Variants in SMARCA1 observed in about 807,000 individuals in gnomAD.
The protein encoded by SMARCA1 is SWI/SNF-related matrix-associated actin-dependent regulator of chromatin subfamily A member 1.
A neutral mutation model predicts 93.6 loss-of-function variants in SMARCA1; 17 were observed. That is an observed-to-expected ratio of 0.18 (90% CI 0.12 to 0.27). The LOEUF (loss-of-function observed/expected upper bound fraction) is 0.27. Among genes scored for constraint, SMARCA1 ranks in the 10% least tolerant of loss-of-function variants. The pLI is 1.00. For missense variants in SMARCA1, 630 were observed against 819.0 expected, an observed-to-expected ratio of 0.77 and a Z score of 2.82; for synonymous variants, 271 against 271.4, an observed-to-expected ratio of 1.00 and a Z score of 0.01.
At chrX:129,503,118 A>G (rs1934630448) in intron 9 of SMARCA1, among the ~76,000 whole-genome samples, 1 of 111,993 alleles carries the variant, frequency 8.9e-6, no homozygotes, top group Admixed American at 9.5e-5. Context: ...AGGGAGAAGG[A>G]GGGCAGGAGA....
intron 23 of SMARCA1, among the ~76,000 whole-genome samples, chrX:129,455,252 ACCC>A (rs1282179953): frequency 4.5e-5 from 5 of 111,474 alleles, no homozygotes; most frequent in African/African-American, 1.6e-4. Flanking sequence ...TGGCACATAT[ACCC>A]CCATGGAATA....
At position 129,506,229 on chromosome X, in the gene SMARCA1, T is replaced by C. The variant is rs148259017; in HGVS notation, c.967-18A>G. The stretch of plus-strand genomic sequence containing the variant: ...TCTGAAAGCTAGAAAATAATACTCA[T>C]ATGAGGATTATTTTACTTATTAGAA... On this transcript the variant is annotated intron_variant, in intron 7 of 24. Coordinates refer to ENST00000371121, the MANE Select transcript of SMARCA1 (RefSeq NM_001282874.2). 5 of 1,111,124 alleles carry C rather than the reference T, an allele frequency of 4.5e-6. No homozygotes were observed. The highest frequency in any genetic ancestry group is 2.3e-5 in the Admixed American group (1 of 44,413). The allele number at this position is 1,111,124 out of a possible 1,213,427, so 91.6% of individuals were successfully genotyped here.
At chrX:129,493,011 T>C (rs1934189263) in intron 13 of SMARCA1, 29 bp downstream of exon 13, 1 of 460,268 alleles carries the variant, frequency 2.2e-6, no homozygotes, top group Non-Finnish European at 4.0e-6. Flanking sequence ...TTTGGCAATA[T>C]GCATCAAGAG....
At chrX:129,511,291 C>T (rs1334556655) in intron 6 of SMARCA1, among the ~76,000 whole-genome samples, 1 of 111,491 alleles carries the variant, frequency 9.0e-6, no homozygotes, top group Non-Finnish European at 1.9e-5. Flanking sequence ...CTGAAAGCTG[C>T]GTCTATGCAT....
intron 14 of SMARCA1, 117 bp downstream of exon 14, chrX:129,491,824 C>G: frequency 2.1e-6 from 1 of 473,356 alleles, no homozygotes; most frequent in South Asian, 7.5e-5. Context: ...TCTACTGTAA[C>G]TTCTATAAAA....
intron 1 of SMARCA1, chrX:129,518,675 C>T (rs1237886270): frequency 1.7e-5 from 4 of 234,580 alleles, no homozygotes. Context: ...TTGTGAATGC[C>T]AAAGAAATAT....
intron 19 of SMARCA1, among the ~76,000 whole-genome samples, chrX:129,476,497 C>T (rs1027611956): frequency 2.7e-5 from 3 of 111,988 alleles, no homozygotes; most frequent in African/African-American, 9.7e-5. Flanking sequence ...ACTAGCCCCA[C>T]TCCAAATCAC....
intron 23 of SMARCA1, among the ~76,000 whole-genome samples, chrX:129,462,304 ACTT>A (rs1932820029): frequency 8.9e-6 from 1 of 111,903 alleles, no homozygotes. Flanking sequence ...CAATGAAACA[ACTT>A]CTTTGTATTT....
At chrX:129,488,789 A>G in intron 16 of SMARCA1, 148 bp downstream of exon 16, 1 of 388,263 alleles carries the variant, frequency 2.6e-6, no homozygotes, top group Non-Finnish European at 4.3e-6. Flanking sequence ...TACCCCTGGA[A>G]ATAGATCTAC....
chrX:129,518,891 GA>G (rs1032017216), intron 1 of SMARCA1, among the ~76,000 whole-genome samples: 5 of 108,792 alleles, frequency 4.6e-5, no homozygotes, highest in East Asian at 2.8e-4. Flanking sequence ...CACACTTTCA[GA>G]AAAAAAAACT....
At chrX:129,455,143 G>A (rs1466792034) in intron 23 of SMARCA1, among the ~76,000 whole-genome samples, 1 of 111,564 alleles carries the variant, frequency 9.0e-6, no homozygotes, top group Non-Finnish European at 1.9e-5. Flanking sequence ...CTACTCTAAA[G>A]ACACATGCAC....
chrX:129,496,808 A>G lies in SMARCA1; in HGVS notation c.1568T>C (p.Met523Thr). The change falls in exon 12 of 25, where the codon ATG (methionine) becomes ACG (threonine). Residue 523 changes from methionine (M) to threonine (T), a missense_variant. Met to Thr is a moderately conservative substitution (Grantham distance 81). Transcript: ENST00000371121. ...TCGACAATACTCATAACCACGCCAC[A>G]TGCAATAATCTTCCAAAATATCCAG... The part of the protein sequence containing the change: ...RLLDILEDYC[M>T]WRGYEYCRLD... The G allele has an allele frequency of 8.3e-7, 1 of 1,204,941 alleles. No homozygotes were observed. The highest frequency in any genetic ancestry group is 1.8e-5 in the South Asian group (1 of 56,753).
chrX:129,493,290 A>G (rs1433216816), intron 12 of SMARCA1, among the ~76,000 whole-genome samples: 1 of 111,817 alleles, frequency 8.9e-6, no homozygotes, highest in Middle Eastern at 4.7e-3. Flanking sequence ...TATTAAGTAA[A>G]TAGTATCAGG....
In SMARCA1 at chrX:129,474,201, T is replaced by TA. The variant is rs201955701; in HGVS notation, c.2443-2876dup. The stretch of plus-strand genomic sequence containing the variant: ...AATTATTTCAACATTTTTGTATTTT[T>TA]AAAAATCCTTCATAATGTTTTTTTA... On this transcript the variant is annotated intron_variant, in intron 19 of 24. Transcript: ENST00000371121. Among the ~76,000 whole-genome samples the TA allele has an allele frequency of 5.1e-3, 569 of 112,188 alleles. 6 individuals are homozygous for TA. The highest frequency in any genetic ancestry group is 0.018 in the African/African-American group (551 of 30,958).
chrX:129,486,882 G>T (rs1378709575), intron 17 of SMARCA1, 136 bp downstream of exon 17: 3 of 508,673 alleles, frequency 5.9e-6, no homozygotes, highest in Non-Finnish European at 1.0e-5. Context: ...GATATACCTT[G>T]CATGAGATAT....
chrX:129,519,520 A>C (rs1458562596), intron 1 of SMARCA1, among the ~76,000 whole-genome samples: 1 of 111,923 alleles, frequency 8.9e-6, no homozygotes, highest in Non-Finnish European at 1.9e-5. Context: ...TCCAATATTT[A>C]CTAAAATTTC....
At position 129,499,732 on chromosome X, in the gene SMARCA1, C is replaced by T; in HGVS notation, c.1277G>A (p.Trp426Ter). 9.7e-7 allele frequency: 1 copy of T among 1,032,129 alleles called. No individual in the cohort carries two copies. The highest frequency in any genetic ancestry group is 1.4e-6 in the Non-Finnish European group (1 of 739,444). The allele number at this position is 1,032,129 out of a possible 1,213,427, so 85.1% of individuals were successfully genotyped here. The change falls in exon 10 of 25, where the codon TGG (tryptophan) becomes TAG (stop). Residue 426 changes from tryptophan to a stop codon, truncating the protein, a stop_gained and splice_region_variant. Coordinates refer to ENST00000371121, the MANE Select transcript of SMARCA1 (RefSeq NM_001282874.2). LOFTEE classifies it high-confidence loss of function. ...TTTTAAAGGAAATGAAATAGCTCAC[C>T]ATTCTCGTTGCATCTTACTCAGCCC... is the stretch of plus-strand genomic sequence containing the variant. ...YLGLSKMQRE[W>*]YTKILMKDID... is the part of the protein sequence containing the mutation.
chrX:129,500,357 A>C (rs1322979249), intron 9 of SMARCA1, among the ~76,000 whole-genome samples: 2 of 111,866 alleles, frequency 1.8e-5, no homozygotes, highest in Non-Finnish European at 3.8e-5. Flanking sequence ...TAGTAGAGAC[A>C]GGGTTTCACC....
intron 23 of SMARCA1, among the ~76,000 whole-genome samples, chrX:129,460,811 A>G (rs1932794552): frequency 8.9e-6 from 1 of 111,868 alleles, no homozygotes; most frequent in Non-Finnish European, 1.9e-5. Flanking sequence ...TTCTGACTGG[A>G]CTGATAATTT....
Sources: gnomAD v4.1 joint callset for allele counts (sites outside exome capture counted in the v4.1 genomes callset) on GRCh38, gnomAD v4.1.1 for gene constraint, MANE v1.5 for transcripts, NCBI Gene and HGNC (gene_info 2026-07-23, HGNC 2026-07-21) for gene names.